PDE10A: variants seen among roughly 807,000 people sequenced by gnomAD.
The protein encoded by PDE10A is cAMP and cAMP-inhibited cGMP 3',5'-cyclic phosphodiesterase 10A.
A neutral mutation model predicts 97.7 loss-of-function variants in PDE10A; 39 were observed. The observed-to-expected ratio is 0.40, with a 90% confidence interval of 0.31 to 0.52. The LOEUF (loss-of-function observed/expected upper bound fraction) is 0.52, where lower values mean the gene tolerates loss of function less well. PDE10A is among the 20% of genes least tolerant of loss of function. The pLI is 0.56. For synonymous variants in PDE10A, 371 were observed against 376.8 expected (o/e 0.98, Z 0.18); for missense variants, 731 against 1,047.8 (o/e 0.70, Z 4.17).
At chr6:165,982,137 C>T (rs2128504160) in intron 1 of PDE10A, among the ~76,000 whole-genome samples, 1 of 152,300 alleles carries the variant, frequency 6.6e-6, no homozygotes, top group South Asian at 2.1e-4. Context: ...ACCATATGTT[C>T]ACTCAGTCAC....
intron 2 of PDE10A, among the ~76,000 whole-genome samples, chr6:165,514,324 T>C (rs2128303756): frequency 6.6e-6 from 1 of 152,366 alleles, no homozygotes; most frequent in Non-Finnish European, 1.5e-5. Flanking sequence ...CTTCCTTCTC[T>C]ATTTTCTGAA....
chr6:165,749,396 T>TCAAC (rs1465837923), intron 1 of PDE10A, among the ~76,000 whole-genome samples: 1 of 26,386 alleles, frequency 3.8e-5, no homozygotes, highest in African/African-American at 1.5e-4. Flanking sequence ...TCATCACCAT[T>TCAAC]ACCATCAACA....
At chr6:165,584,137 T>C (rs925449979) in intron 1 of PDE10A, among the ~76,000 whole-genome samples, 6 of 152,154 alleles carry the variant, frequency 3.9e-5, no homozygotes, top group South Asian at 2.1e-4. Flanking sequence ...TCAGGTCCAA[T>C]AGAGGCAGTT....
intron 1 of PDE10A, among the ~76,000 whole-genome samples, chr6:165,699,068 A>G (rs1382256526): frequency 6.6e-6 from 1 of 152,206 alleles, no homozygotes; most frequent in Non-Finnish European, 1.5e-5. Flanking sequence ...AATAAAAAAC[A>G]TGGTCTAACT....
chr6:165,784,387 G>T (rs1778438889), intron 1 of PDE10A, among the ~76,000 whole-genome samples: 1 of 152,138 alleles, frequency 6.6e-6, no homozygotes, highest in Non-Finnish European at 1.5e-5. Flanking sequence ...GTAACTTCCT[G>T]ATTGTTTGCT....
intron 13 of PDE10A, among the ~76,000 whole-genome samples, chr6:165,407,538 C>A (rs1348127582): frequency 6.6e-6 from 1 of 152,204 alleles, no homozygotes; most frequent in Non-Finnish European, 1.5e-5. Context: ...TCATAGTCAT[C>A]TTTATATCCA....
intron 20 of PDE10A, among the ~76,000 whole-genome samples, chr6:165,336,927 C>T (rs903280445): frequency 3.9e-5 from 6 of 152,070 alleles, no homozygotes; most frequent in Admixed American, 2.0e-4. Flanking sequence ...TTCTTTCATA[C>T]ATATGGCTCT....
chr6:165,503,859 T>C (rs1781041877), intron 2 of PDE10A, among the ~76,000 whole-genome samples: 3 of 152,306 alleles, frequency 2.0e-5, no homozygotes, highest in Admixed American at 2.0e-4. Flanking sequence ...ATAAGATGGT[T>C]TTCCACTAAC....
chr6:165,432,947 C>T (rs779569272), intron 7 of PDE10A, 27 bp downstream of exon 7: 1 of 1,597,592 alleles, frequency 6.3e-7, no homozygotes, highest in South Asian at 1.1e-5. Context: ...ACTAAAAATT[C>T]TAACATGCAG....
chr6:165,684,313 T>C (rs1267173860), intron 1 of PDE10A, among the ~76,000 whole-genome samples: 1 of 152,204 alleles, frequency 6.6e-6, no homozygotes, highest in African/African-American at 2.4e-5. Flanking sequence ...ACACAATCAA[T>C]AATTGTTCCA....
At chr6:165,714,196 C>G (rs886975583) in intron 1 of PDE10A, among the ~76,000 whole-genome samples, 2 of 152,216 alleles carry the variant, frequency 1.3e-5, no homozygotes, top group Non-Finnish European at 2.9e-5. Context: ...AGTGTTCATG[C>G]CTCATACACA....
intron 2 of PDE10A, among the ~76,000 whole-genome samples, chr6:165,483,538 C>T (rs566824229): frequency 1.3e-5 from 2 of 152,182 alleles, no homozygotes; most frequent in Non-Finnish European, 2.9e-5. Flanking sequence ...TCCTAAGCCT[C>T]TCTGAAGATG....
At chr6:165,829,941 G>A (rs928939248) in intron 1 of PDE10A, among the ~76,000 whole-genome samples, 5 of 151,880 alleles carry the variant, frequency 3.3e-5, no homozygotes, top group Non-Finnish European at 5.9e-5. Context: ...CTACACTCAG[G>A]GAAGAAATGT....
chr6:165,424,652 A>T (rs1356465772), intron 10 of PDE10A, among the ~76,000 whole-genome samples: 2 of 152,212 alleles, frequency 1.3e-5, no homozygotes, highest in African/African-American at 2.4e-5. Flanking sequence ...CTATCCAAAG[A>T]TAGAAAAAAA....
chr6:165,762,263 A>T (rs1397790107), intron 1 of PDE10A, among the ~76,000 whole-genome samples: 1 of 152,194 alleles, frequency 6.6e-6, no homozygotes, highest in Admixed American at 6.5e-5. Context: ...AGGGAGATGT[A>T]TTTGAGACTG....
rs11383862 is a variant in PDE10A at position 165,729,786 on chromosome 6, G to GAA, written c.-614-186220_-614-186219dup. On this transcript the variant is annotated intron_variant, in intron 1 of 19. Transcript: ENST00000366882. ...TACAGTGGCTGTGGATTACTAGGCA[G>GAA]AAAAAAAAATCCAACCCAGATTATT... is the stretch of plus-strand genomic sequence containing the variant. 2.9e-3 allele frequency among the ~76,000 whole-genome samples: 446 copies of GAA among 151,194 alleles called. 3 individuals are homozygous for GAA. Among genetic ancestry groups the GAA allele is most frequent in the African/African-American group, 9.8e-3 (403 of 41,192 alleles).
intron 1 of PDE10A, among the ~76,000 whole-genome samples, chr6:165,935,649 C>T (rs1783300754): frequency 6.6e-6 from 1 of 152,158 alleles, no homozygotes. Context: ...GTGCTGGAAA[C>T]TTAAATCCCA....
chr6:165,430,150 A>C, intron 9 of PDE10A, 137 bp downstream of exon 9: 1 of 616,314 alleles, frequency 1.6e-6, no homozygotes, highest in Non-Finnish European at 2.9e-6. Flanking sequence ...TAATATGATT[A>C]ACCGTTCCCA....
At chr6:165,572,787 C>T (rs1209017146) in intron 1 of PDE10A, among the ~76,000 whole-genome samples, 5 of 152,124 alleles carry the variant, frequency 3.3e-5, no homozygotes, top group Admixed American at 2.0e-4. Flanking sequence ...CAGTGAGCCA[C>T]GATCGTGCCA....
Sources: gnomAD v4.1 joint callset for allele counts (sites outside exome capture counted in the v4.1 genomes callset) on GRCh38, gnomAD v4.1.1 for gene constraint, MANE v1.5 for transcripts, NCBI Gene and HGNC (gene_info 2026-07-23, HGNC 2026-07-21) for gene names.